The following MGAT4A variants were observed in gnomAD, a reference collection of about 807,000 sequenced individuals.
MGAT4A encodes N-acetylglucosaminyltransferase IVa.
Under a neutral mutation model 74.1 loss-of-function variants are expected in MGAT4A, and 33 were observed. The observed-to-expected ratio is 0.45, with a 90% CI of 0.34 to 0.60. MGAT4A has a LOEUF of 0.60. Ranked by LOEUF, MGAT4A falls within the 20% of genes least tolerant of loss-of-function variation. The pLI is 0.02. For missense variants in MGAT4A, 479 were observed against 628.3 expected (o/e 0.76, Z 2.54); for synonymous variants, 198 against 210.4 (o/e 0.94, Z 0.51).
intron 2 of MGAT4A, among the ~76,000 whole-genome samples, chr2:98,701,402 T>C (rs1247351010): frequency 1.3e-5 from 2 of 152,238 alleles, no homozygotes; most frequent in African/African-American, 4.8e-5. Flanking sequence ...TGATTAGTAA[T>C]GTTTCTGAAG....
chr2:98,623,405 C>T lies in MGAT4A; in HGVS notation c.*2161G>A, dbSNP rs1383789586. ...GAAACCAGAGTTGGCAACTGAGGAA[C>T]CAGGGACCCAAGAGTACTCCTAAGC... On this transcript the variant is annotated 3_prime_UTR_variant, in exon 16 of 16. Transcript: ENST00000393487. 2 of 985,274 alleles carry T rather than the reference C, an allele frequency of 2.0e-6. No individual in the cohort carries two copies. Among genetic ancestry groups the T allele is most frequent in the African/African-American group, 3.5e-5 (2 of 57,232 alleles). 61.0% of individuals were successfully genotyped at this position (985,274 alleles called of 1,614,324 possible).
chr2:98,698,617 T>C (rs1702308209), intron 2 of MGAT4A, among the ~76,000 whole-genome samples: 1 of 152,158 alleles, frequency 6.6e-6, no homozygotes, highest in African/African-American at 2.4e-5. Context: ...CTTACATTTC[T>C]AAATGGAAAC....
At chr2:98,632,110 CAATAAATAAATA>C (rs200108760) in intron 14 of MGAT4A, among the ~76,000 whole-genome samples, 5 of 149,746 alleles carry the variant, frequency 3.3e-5, no homozygotes, top group African/African-American at 9.9e-5. Context: ...ACTCTGTCTC[CAATAAATAAATA>C]AATAAATAAA....
At chr2:98,675,244 C>T (rs1701963852) in intron 3 of MGAT4A, 69 bp from the exon 4 acceptor site, 1 of 1,180,426 alleles carries the variant, frequency 8.5e-7, no homozygotes, top group Non-Finnish European at 1.2e-6. Flanking sequence ...ATAAAACCAG[C>T]AGTAAAAATT....
At chr2:98,662,837 T>C (rs989700440) in intron 5 of MGAT4A, among the ~76,000 whole-genome samples, 1 of 152,196 alleles carries the variant, frequency 6.6e-6, no homozygotes, top group African/African-American at 2.4e-5. Flanking sequence ...TAACATCCTA[T>C]TGACAACAAA....
intron 10 of MGAT4A, 27 bp from the exon 11 acceptor site, chr2:98,640,255 T>A: frequency 1.3e-6 from 2 of 1,549,254 alleles, no homozygotes; most frequent in South Asian, 1.2e-5. Context: ...ATCACGTTAG[T>A]GTTGCATCAT....
chr2:98,682,909 C>G (rs1702081548), intron 2 of MGAT4A, among the ~76,000 whole-genome samples: 1 of 151,784 alleles, frequency 6.6e-6, no homozygotes. Context: ...CACGGTGAAA[C>G]CCCCGTCTCT....
At position 98,623,295 on chromosome 2, in the gene MGAT4A, G is replaced by T; in HGVS notation, c.*2271C>A. 1.0e-6 allele frequency: 1 copy of T among 985,472 alleles called. No homozygotes were observed. The highest frequency in any genetic ancestry group is 1.2e-6 in the Non-Finnish European group (1 of 829,952). The allele number at this position is 985,472 out of a possible 1,614,324, so 61.0% of individuals were successfully genotyped here. A position where few individuals can be genotyped will look rare whatever the true frequency, so the allele number is the denominator to read the frequency against. On this transcript the variant is annotated 3_prime_UTR_variant, in exon 16 of 16. Transcript: ENST00000393487. ...CAGGAAAAAGCTAGCCAGGCAGGCTGTCTTTAAAGAAGTTGTAACAAATCA... is the reference window on the plus strand; with the variant it reads ...CAGGAAAAAGCTAGCCAGGCAGGCTTTCTTTAAAGAAGTTGTAACAAATCA...
intron 2 of MGAT4A, among the ~76,000 whole-genome samples, chr2:98,724,295 G>A (rs868803938): frequency 2.6e-5 from 4 of 152,220 alleles, no homozygotes; most frequent in South Asian, 2.1e-4. Flanking sequence ...TGGTTTATGG[G>A]TATATTAGAA....
intron 2 of MGAT4A, among the ~76,000 whole-genome samples, chr2:98,684,713 C>A (rs1276202432): frequency 6.6e-6 from 1 of 152,142 alleles, no homozygotes; most frequent in Non-Finnish European, 1.5e-5. Context: ...CAATAAGTCA[C>A]ATCTAATGTG....
At chr2:98,633,042 G>A (rs909691142) in intron 14 of MGAT4A, among the ~76,000 whole-genome samples, 1 of 152,214 alleles carries the variant, frequency 6.6e-6, no homozygotes, top group South Asian at 2.1e-4. Context: ...ACAGGCATGA[G>A]CCACTGCGCC....
At chr2:98,698,180 A>G (rs893613491) in intron 2 of MGAT4A, among the ~76,000 whole-genome samples, 7 of 152,162 alleles carry the variant, frequency 4.6e-5, no homozygotes, top group Non-Finnish European at 1.0e-4. Context: ...TTGGGAGGCT[A>G]AGAGAGGCAG....
chr2:98,654,634 A>T (rs572738273), intron 8 of MGAT4A, among the ~76,000 whole-genome samples: 1 of 152,286 alleles, frequency 6.6e-6, no homozygotes, highest in East Asian at 1.9e-4. Flanking sequence ...AACATTTCTA[A>T]AAGAAATCAA....
chr2:98,682,163 C>CT (rs1702068741), intron 2 of MGAT4A, among the ~76,000 whole-genome samples: 1 of 152,072 alleles, frequency 6.6e-6, no homozygotes, highest in Non-Finnish European at 1.5e-5. Context: ...TGGCTCACGC[C>CT]TGTAATCCCA....
chr2:98,633,849 G>A (rs555777023), intron 14 of MGAT4A, among the ~76,000 whole-genome samples: 3 of 152,136 alleles, frequency 2.0e-5, no homozygotes, highest in Non-Finnish European at 4.4e-5. Flanking sequence ...CAGATACTCA[G>A]CTGATTTTGT....
chr2:98,652,327 ATTTT>A (rs70940120), intron 8 of MGAT4A, among the ~76,000 whole-genome samples: 7 of 123,388 alleles, frequency 5.7e-5, no homozygotes, highest in East Asian at 2.4e-4. Flanking sequence ...TATCTCAACA[ATTTT>A]TTTTTTTTTT....
At chr2:98,685,074 A>G (rs763027801) in intron 2 of MGAT4A, among the ~76,000 whole-genome samples, 3 of 151,974 alleles carry the variant, frequency 2.0e-5, no homozygotes, top group Non-Finnish European at 2.9e-5. Flanking sequence ...TTGTCTCTAC[A>G]ACAAATTTTC....
At chr2:98,663,274 T>C in intron 4 of MGAT4A, 95 bp from the exon 5 acceptor site, 5 of 1,519,750 alleles carry the variant, frequency 3.3e-6, no homozygotes, top group Non-Finnish European at 4.5e-6. Context: ...CTCAAATTGA[T>C]AGGAATAACT....
At chr2:98,700,219 GC>G (rs1346818190) in intron 2 of MGAT4A, among the ~76,000 whole-genome samples, 1 of 151,946 alleles carries the variant, frequency 6.6e-6, no homozygotes, top group East Asian at 1.9e-4. Context: ...CAGGCTGCCA[GC>G]CTCGGGCTAT....
Sources: gnomAD v4.1 joint callset for allele counts (sites outside exome capture counted in the v4.1 genomes callset) on GRCh38, gnomAD v4.1.1 for gene constraint, MANE v1.5 for transcripts, NCBI Gene and HGNC (gene_info 2026-07-23, HGNC 2026-07-21) for gene names.